SYNE2: variants seen among roughly 807,000 people sequenced by gnomAD.
The protein encoded by SYNE2 is spectrin repeat containing nuclear envelope protein 2.
In SYNE2, 431 loss-of-function variants were observed where a neutral mutation model predicts 856.3. That is an observed-to-expected ratio of 0.50 (90% CI 0.47 to 0.55). The LOEUF is 0.55. SYNE2 is among the 20% of genes least tolerant of loss of function. The pLI is 0.00. For synonymous variants in SYNE2, 2,923 were observed against 2,872.3 expected, an observed-to-expected ratio of 1.02 and a Z score of -0.56; for missense variants, 8,129 against 8,023.2, an observed-to-expected ratio of 1.01 and a Z score of -0.50.
At chr14:64,213,364 C>T (rs746689897) in intron 105 of SYNE2, among the ~76,000 whole-genome samples, 1 of 152,152 alleles carries the variant, frequency 6.6e-6, no homozygotes, top group Admixed American at 6.5e-5. Flanking sequence ...ATTTGCCCTT[C>T]CCTCTTTCTT....
chr14:63,991,907 AG>A (rs2096669516), intron 21 of SYNE2, among the ~76,000 whole-genome samples: 1 of 152,130 alleles, frequency 6.6e-6, no homozygotes. Flanking sequence ...GGCGCCCTAT[AG>A]GAGTCTCTCT....
Position 64,003,049 on chromosome 14 carries a change from C to T in SYNE2, c.4116C>T (p.Asp1372=), listed in dbSNP as rs752238427. ...NKEGEIHLMK[D]KAKHLDKCLK... is the part of the protein sequence containing the mutation. The stretch of plus-strand genomic sequence containing the variant: ...AGGGAGAAATTCATCTGATGAAAGA[C>T]AAGGCCAAACATTTGGATAAATGTT... Residue 1372 remains aspartate, a synonymous_variant, in exon 30 of 116, where the codon GAC becomes GAT. Coordinates refer to ENST00000555002, the MANE Select transcript of SYNE2 (RefSeq NM_182914.3). 9.2e-5 allele frequency: 148 copies of T among 1,613,998 alleles called. No homozygotes were observed. The highest frequency in any genetic ancestry group is 8.5e-5 in the Non-Finnish European group (100 of 1,180,036).
At chr14:63,846,043 C>CGT (rs1389219578) in intron 1 of SYNE2, among the ~76,000 whole-genome samples, 3 of 132,508 alleles carry the variant, frequency 2.3e-5, no homozygotes, top group Non-Finnish European at 3.2e-5. Flanking sequence ...CGTACCTGCC[C>CGT]TTTTTTTTTT....
Position 63,974,892 on chromosome 14 carries a change from G to GTATATA in SYNE2, c.1129-1651_1129-1646dup, listed in dbSNP as rs145247655. On this transcript the variant is annotated intron_variant, in intron 11 of 115. Coordinates refer to ENST00000555002, the MANE Select transcript of SYNE2 (RefSeq NM_182914.3). ...TGTGTGTGTGTGTGTGTGTGTGTGT[G>GTATATA]TATATATATATATATATATATATAT... is the stretch of plus-strand genomic sequence containing the variant. 1.1e-3 allele frequency among the ~76,000 whole-genome samples: 72 copies of GTATATA among 67,324 alleles called. 4 individuals are homozygous for GTATATA. The highest frequency in any genetic ancestry group is 8.8e-3 in the Middle Eastern group (1 of 114). The allele number at this position is 67,324 out of a possible 152,430, so 44.2% of individuals were successfully genotyped here.
intron 1 of SYNE2, among the ~76,000 whole-genome samples, chr14:63,885,625 A>G (rs949313102): frequency 6.6e-6 from 1 of 152,088 alleles, no homozygotes; most frequent in African/African-American, 2.4e-5. Context: ...TTTTTGAGAC[A>G]GGGTTTTGCT....
At chr14:63,930,390 T>C (rs2095734464) in intron 2 of SYNE2, among the ~76,000 whole-genome samples, 1 of 152,146 alleles carries the variant, frequency 6.6e-6, no homozygotes, top group Non-Finnish European at 1.5e-5. Flanking sequence ...AAAACAGTTG[T>C]TAATTTTTAA....
intron 51 of SYNE2, among the ~76,000 whole-genome samples, chr14:64,066,779 A>G (rs2097361798): frequency 6.6e-6 from 1 of 152,194 alleles, no homozygotes; most frequent in Admixed American, 6.5e-5. Flanking sequence ...ACCTGTTCTC[A>G]CTGAATCTTT....
chr14:64,221,481 G>A, intron 111 of SYNE2, 95 bp from the exon 112 acceptor site: 1 of 1,611,862 alleles, frequency 6.2e-7, no homozygotes, highest in Non-Finnish European at 8.5e-7. Context: ...AAAAGCAAAT[G>A]ACTGTGATGG....
chr14:63,768,798 A>T (rs547055040), intron 1 of SYNE2, among the ~76,000 whole-genome samples: 1 of 152,108 alleles, frequency 6.6e-6, no homozygotes, highest in Non-Finnish European at 1.5e-5. Context: ...GGAGCAAGGT[A>T]CAAGGTGCAT....
At chr14:63,769,718 TAAAA>T (rs35285205) in intron 1 of SYNE2, among the ~76,000 whole-genome samples, 2 of 120,796 alleles carry the variant, frequency 1.7e-5, no homozygotes, top group Non-Finnish European at 1.6e-5. Flanking sequence ...ACCCTGTCTC[TAAAA>T]AAAAAAAAAA....
chr14:63,913,541 C>T (rs751607202), intron 2 of SYNE2, among the ~76,000 whole-genome samples: 1 of 150,616 alleles, frequency 6.6e-6, no homozygotes, highest in Non-Finnish European at 1.5e-5. Context: ...CGGTTCACTG[C>T]AACCTCCGCC....
chr14:64,209,147 G>A (rs761225903), intron 101 of SYNE2: 43 of 864,748 alleles, frequency 5.0e-5, no homozygotes, highest in Non-Finnish European at 7.0e-5. Flanking sequence ...TCCTGTGTGG[G>A]GTGTGGCTGT....
At chr14:64,122,650 T>C (rs1317820787) in intron 70 of SYNE2, 9 of 631,992 alleles carry the variant, frequency 1.4e-5, no homozygotes, top group South Asian at 1.3e-4. Flanking sequence ...TTATAACAAC[T>C]ATCCGCCTGT....
At position 64,122,153 on chromosome 14, in the gene SYNE2, A is replaced by T. The variant is rs758837174; in HGVS notation, c.13280+20A>T. The T allele has an allele frequency of 6.2e-7, 1 of 1,614,170 alleles. No individual in the cohort carries two copies. The highest frequency in any genetic ancestry group is 1.1e-5 in the South Asian group (1 of 91,084). On this transcript the variant is annotated intron_variant, in intron 69 of 115. Coordinates refer to ENST00000555002, the MANE Select transcript of SYNE2 (RefSeq NM_182914.3). ...TGCAAGGTAAAACATTTAAAAATAG[A>T]GTTGGTCATTCAGTGGTTTTATGAC...
At chr14:64,167,676 T>G in intron 92 of SYNE2, 37 bp downstream of exon 92, 5 of 1,613,810 alleles carry the variant, frequency 3.1e-6, no homozygotes, top group Non-Finnish European at 4.2e-6. Context: ...GAACCGCTCA[T>G]CTGGGGCAGG....
intron 84 of SYNE2, among the ~76,000 whole-genome samples, chr14:64,152,012 A>G (rs2098248292): frequency 6.6e-6 from 1 of 152,138 alleles, no homozygotes. Context: ...TAGGTTTTTA[A>G]AAATGTATCT....
At chr14:63,923,584 C>A (rs35859453) in intron 2 of SYNE2, among the ~76,000 whole-genome samples, 24,235 of 152,190 alleles carry the variant, frequency 0.16, 2,884 homozygotes, top group African/African-American at 0.34. Flanking sequence ...GAGGAGCAAA[C>A]TCAGACATGG....
chr14:64,200,435 C>G (rs772713689), intron 99 of SYNE2, among the ~76,000 whole-genome samples: 5 of 152,144 alleles, frequency 3.3e-5, no homozygotes, highest in Admixed American at 6.5e-5. Flanking sequence ...CTGGAGGACT[C>G]CTTGTCCCAC....
chr14:64,135,026 T>TA (rs78846525), intron 78 of SYNE2, among the ~76,000 whole-genome samples: 1 of 151,850 alleles, frequency 6.6e-6, no homozygotes, highest in Non-Finnish European at 1.5e-5. Flanking sequence ...TTAAACTTTT[T>TA]TGTGTAACTT....
Sources: allele counts gnomAD v4.1 joint callset (sites outside exome capture counted in the v4.1 genomes callset), GRCh38; gene constraint gnomAD v4.1.1; transcripts MANE v1.5; gene names NCBI Gene and HGNC (gene_info 2026-07-23, HGNC 2026-07-21).